CAMK4: variants seen among roughly 807,000 people sequenced by gnomAD.
CAMK4 encodes the protein calcium/calmodulin-dependent protein kinase type IV.
CAMK4 carries 22 observed loss-of-function variants against 44.9 expected under a neutral mutation model. That is an observed-to-expected ratio of 0.49 (90% CI 0.35 to 0.70). The LOEUF (loss-of-function observed/expected upper bound fraction) is 0.70. Ranked by LOEUF, CAMK4 falls within the 30% of genes least tolerant of loss-of-function variation. CAMK4 has a pLI of 0.01. For synonymous variants in CAMK4, 218 were observed against 215.4 expected (o/e 1.01, Z -0.11); for missense variants, 498 against 586.8 (o/e 0.85, Z 1.56).
chr5:111,418,759 A>G (rs993509254), intron 5 of CAMK4, among the ~76,000 whole-genome samples: 1 of 152,158 alleles, frequency 6.6e-6, no homozygotes, highest in African/African-American at 2.4e-5. Context: ...ATGTCCCTAC[A>G]AAGGACATGA....
At chr5:111,369,074 T>C (rs1412275187) in intron 2 of CAMK4, among the ~76,000 whole-genome samples, 1 of 149,948 alleles carries the variant, frequency 6.7e-6, no homozygotes, top group Admixed American at 6.7e-5. Context: ...TAATTATTAT[T>C]ATTATTATTG....
At chr5:111,468,370 C>T (rs1349684688) in intron 7 of CAMK4, among the ~76,000 whole-genome samples, 2 of 152,126 alleles carry the variant, frequency 1.3e-5, no homozygotes, top group African/African-American at 4.8e-5. Context: ...AAGTGATTTT[C>T]TTCTATTTTG....
intron 5 of CAMK4, among the ~76,000 whole-genome samples, chr5:111,434,153 C>A (rs956900086): frequency 6.6e-6 from 1 of 151,994 alleles, no homozygotes; most frequent in African/African-American, 2.4e-5. Context: ...AATAGCTGGA[C>A]ATGGTGGCGT....
At chr5:111,427,090 T>C (rs924444139) in intron 5 of CAMK4, among the ~76,000 whole-genome samples, 5 of 152,068 alleles carry the variant, frequency 3.3e-5, no homozygotes, top group Non-Finnish European at 5.9e-5. Flanking sequence ...AAGACACCCC[T>C]TCCTTTTGCT....
At chr5:111,301,937 T>C (rs1158633466) in intron 1 of CAMK4, among the ~76,000 whole-genome samples, 2 of 152,336 alleles carry the variant, frequency 1.3e-5, no homozygotes, top group Admixed American at 1.3e-4. Flanking sequence ...GAGACATCTC[T>C]TTGCTCAGTT....
intron 7 of CAMK4, among the ~76,000 whole-genome samples, chr5:111,453,841 G>A (rs1042653870): frequency 6.6e-6 from 1 of 152,092 alleles, no homozygotes. Context: ...GTTTAGGATT[G>A]CCTAGTTTGA....
At chr5:111,381,462 C>T (rs1287592352) in intron 4 of CAMK4, among the ~76,000 whole-genome samples, 1 of 152,146 alleles carries the variant, frequency 6.6e-6, no homozygotes, top group Non-Finnish European at 1.5e-5. Flanking sequence ...AGCTGAAGAA[C>T]TTGGAGTCTG....
At chr5:111,443,766 T>C (rs529971493) in intron 5 of CAMK4, among the ~76,000 whole-genome samples, 116 of 152,306 alleles carry the variant, frequency 7.6e-4, no homozygotes, top group African/African-American at 2.7e-3. Context: ...TGTGTTCCTA[T>C]GTTTAGCGTC....
intron 1 of CAMK4, among the ~76,000 whole-genome samples, chr5:111,329,247 T>G (rs1451552957): frequency 6.6e-6 from 1 of 151,924 alleles, no homozygotes; most frequent in East Asian, 1.9e-4. Flanking sequence ...AAGAGCTATC[T>G]ATGAGAAACC....
At chr5:111,454,646 A>AT (rs1754352602) in intron 7 of CAMK4, among the ~76,000 whole-genome samples, 3 of 89,706 alleles carry the variant, frequency 3.3e-5, no homozygotes, top group Non-Finnish European at 8.7e-5. Flanking sequence ...GGTCACACAG[A>AT]CAAAAAAAAA....
intron 5 of CAMK4, among the ~76,000 whole-genome samples, chr5:111,435,886 C>T (rs1753627590): frequency 6.6e-6 from 1 of 152,168 alleles, no homozygotes; most frequent in Admixed American, 6.5e-5. Flanking sequence ...AACATCTTCT[C>T]AGTTGCCTCA....
chr5:111,309,402 AC>A lies in CAMK4; in HGVS notation c.162-34618del, dbSNP rs960192879. ...AACCTTTCAGGTGTCTGGGATCAAC[AC>A]CCCACTCCCTCTCAAGGAGCCCTGG... is the stretch of plus-strand genomic sequence containing the variant. On this transcript the variant is annotated intron_variant, in intron 1 of 10. Transcript: ENST00000282356. 6.6e-5 allele frequency among the ~76,000 whole-genome samples: 10 copies of A among 152,082 alleles called. No individual in the cohort carries two copies. In the East Asian group the frequency reaches 1.4e-3, roughly 21 times the overall value.
At chr5:111,403,383 A>G (rs576359776) in intron 5 of CAMK4, among the ~76,000 whole-genome samples, 5 of 152,190 alleles carry the variant, frequency 3.3e-5, no homozygotes, top group Non-Finnish European at 5.9e-5. Flanking sequence ...TTTGAAACCT[A>G]TCAGTTCCTA....
chr5:111,403,318 G>T (rs1443529904), intron 5 of CAMK4, among the ~76,000 whole-genome samples: 1 of 152,168 alleles, frequency 6.6e-6, no homozygotes, highest in Non-Finnish European at 1.5e-5. Context: ...GGTTCAGAGA[G>T]TTCAAGTACG....
At position 111,371,376 on chromosome 5, in the gene CAMK4, C is replaced by G. The variant is rs568755606; in HGVS notation, c.241-3474C>G. Among the ~76,000 whole-genome samples, 5 of 152,346 alleles carry G rather than the reference C, an allele frequency of 3.3e-5. No homozygotes were observed. The East Asian group carries it at 9.7e-4, about 29-fold the overall frequency. ...GCAGCAGTTGACTCAGAAAAGCTAT[C>G]TTCCACTGAACAATGGAAGTTTTAA... On this transcript the variant is annotated intron_variant, in intron 2 of 10. Coordinates refer to ENST00000282356, the MANE Select transcript of CAMK4 (RefSeq NM_001744.6).
intron 1 of CAMK4, among the ~76,000 whole-genome samples, chr5:111,280,400 T>G (rs1750961577): frequency 6.6e-6 from 1 of 152,226 alleles, no homozygotes; most frequent in South Asian, 2.1e-4. Context: ...TTTTTGGGAC[T>G]CAAAGTAACT....
At chr5:111,249,632 A>G (rs1749392551) in intron 1 of CAMK4, among the ~76,000 whole-genome samples, 25 of 112,668 alleles carry the variant, frequency 2.2e-4, no homozygotes, top group Middle Eastern at 4.4e-3. Flanking sequence ...TTGTGTGTAT[A>G]TATATATATA....
chr5:111,279,626 C>A (rs891651388), intron 1 of CAMK4, among the ~76,000 whole-genome samples: 9 of 152,102 alleles, frequency 5.9e-5, no homozygotes, highest in Non-Finnish European at 7.4e-5. Flanking sequence ...TAATTTATTT[C>A]TTATCTTTAA....
chr5:111,273,966 T>C (rs910875572), intron 1 of CAMK4, among the ~76,000 whole-genome samples: 1 of 152,084 alleles, frequency 6.6e-6, no homozygotes, highest in African/African-American at 2.4e-5. Flanking sequence ...TGTTATCCAG[T>C]AGACTTAGAA....
Sources: gnomAD v4.1 joint callset for allele counts (sites outside exome capture counted in the v4.1 genomes callset) on GRCh38, gnomAD v4.1.1 for gene constraint, MANE v1.5 for transcripts, NCBI Gene and HGNC (gene_info 2026-07-23, HGNC 2026-07-21) for gene names.